SMOX: variants seen among roughly 807,000 people sequenced by gnomAD.
The protein encoded by SMOX is spermine oxidase.
In SMOX, 22 loss-of-function variants were observed where a neutral mutation model predicts 51.0. The ratio of observed to expected loss-of-function variants is 0.43; its 90% CI spans 0.31 to 0.62. The LOEUF (loss-of-function observed/expected upper bound fraction) is 0.62. Among genes scored for constraint, SMOX ranks in the 20% least tolerant of loss-of-function variants. The probability of loss-of-function intolerance (pLI) is 0.10; values close to 1 mark genes in which losing one functional copy is unlikely to be tolerated. For synonymous variants in SMOX, 282 were observed against 307.8 expected, an observed-to-expected ratio of 0.92 and a Z score of 0.88; for missense variants, 566 against 777.7, an observed-to-expected ratio of 0.73 and a Z score of 3.24.
chr20:4,159,318 G>A (rs1298746558), intron 1 of SMOX, among the ~76,000 whole-genome samples: 1 of 152,094 alleles, frequency 6.6e-6, no homozygotes, highest in Non-Finnish European at 1.5e-5. Context: ...CACTATGTTG[G>A]CCAGGCTGGT....
Position 4,177,361 on chromosome 20 carries a change from C to T in SMOX, c.219C>T (p.Thr73=), listed in dbSNP as rs549916537. ...RVQSVKLGHA[T]FELGATWIHG... is the part of the protein sequence containing the mutation. ...TGTTGTCACCCTCAGGACACGCCAC[C>T]TTTGAGCTGGGAGCCACCTGGATCC... The change falls in exon 3 of 7, where the codon ACC becomes ACT. Residue 73 remains threonine, a synonymous_variant. Transcript: ENST00000305958. The surrounding 1 kb of genome is among the most constrained non-coding windows in gnomAD (Gnocchi z 4.3). 6.4e-7 allele frequency: 1 copy of T among 1,552,300 alleles called. No individual in the cohort carries two copies. Among genetic ancestry groups the T allele is most frequent in the African/African-American group, 1.4e-5 (1 of 73,196 alleles).
In SMOX at chr20:4,183,752, G is replaced by T; in HGVS notation, c.1530+98G>T. On this transcript the variant is annotated intron_variant, in intron 6 of 6. Transcript: ENST00000305958. The surrounding 1 kb of genome is among the most constrained non-coding windows in gnomAD (Gnocchi z 4.3). ...AGGGCTAGGGTAGTGTTCACTAAGG[G>T]GTGCTCAGGTGAGGCAGGGATGGAG... The T allele has an allele frequency of 7.3e-7, 1 of 1,373,222 alleles. No individual in the cohort carries two copies. The highest frequency in any genetic ancestry group is 1.5e-5 in the African/African-American group (1 of 68,010). The allele number at this position is 1,373,222 out of a possible 1,614,324, so 85.1% of individuals were successfully genotyped here. A position where few individuals can be genotyped will look rare whatever the true frequency, so the allele number is the denominator to read the frequency against.
Position 4,181,874 on chromosome 20 carries a change from G to A in SMOX, c.507G>A (p.Gly169=), listed in dbSNP as rs544113504. The change falls in exon 4 of 7, where the codon GGG becomes GGA. Residue 169 remains glycine (G), a synonymous_variant. Transcript: ENST00000305958. This position sits in a 1 kb window ranked among gnomAD's most constrained non-coding sequence, Gnocchi z 5.6. ...PVNAESQNSV[G]VFTREEVRNR... is the part of the protein sequence containing the mutation. ...ATGCTGAAAGTCAAAATAGCGTGGGGGTGTTCACCCGAGAGGAGGTGCGTA... is the reference window on the plus strand; with the variant it reads ...ATGCTGAAAGTCAAAATAGCGTGGGAGTGTTCACCCGAGAGGAGGTGCGTA... The A allele has an allele frequency of 2.5e-6, 4 of 1,613,992 alleles. No individual in the cohort carries two copies. Among genetic ancestry groups the A allele is most frequent in the Non-Finnish European group, 3.4e-6 (4 of 1,180,024 alleles).
Position 4,182,909 on chromosome 20 carries a change from C to G in SMOX, c.1369+61C>G, listed in dbSNP as rs1293669662. 1.9e-6 allele frequency: 3 copies of G among 1,540,226 alleles called. No homozygotes were observed. The Admixed American group carries it at 5.5e-5, about 28-fold the overall frequency. ...CTGCTTCTTCCTCACCTGCCCTCCT[C>G]TGGTGGACCCATGGCAGCTCTCTCC... On this transcript the variant is annotated intron_variant, in intron 5 of 6. Transcript: ENST00000305958. The surrounding 1 kb of genome is among the most constrained non-coding windows in gnomAD (Gnocchi z 8.4).
chr20:4,187,412 T>C lies in SMOX; in HGVS notation c.*5T>C. The C allele has an allele frequency of 1.9e-6, 3 of 1,612,872 alleles. No homozygotes were observed. Among genetic ancestry groups the C allele is most frequent in the Non-Finnish European group, 2.5e-6 (3 of 1,179,206 alleles). On this transcript the variant is annotated 3_prime_UTR_variant, in exon 7 of 7. Transcript: ENST00000305958. The surrounding 1 kb of genome is among the most constrained non-coding windows in gnomAD (Gnocchi z 4.8). ...CTCTTCCAGCAGGGGACCTGAGGGC[T>C]GTCCTCGCTGCTGAGAAGAGCCACT...
chr20:4,158,173 G>C (rs139119810), intron 1 of SMOX, among the ~76,000 whole-genome samples: 3 of 152,084 alleles, frequency 2.0e-5, no homozygotes, highest in Non-Finnish European at 2.9e-5. Context: ...GTGCTGGGAT[G>C]ACAGGTGTGA....
At chr20:4,168,880 G>A (rs915207703) in intron 1 of SMOX, among the ~76,000 whole-genome samples, 4 of 145,564 alleles carry the variant, frequency 2.7e-5, no homozygotes, top group Non-Finnish European at 6.1e-5. Context: ...TAAAATTAAT[G>A]CTCTATTTTA....
At position 4,186,903 on chromosome 20, in the gene SMOX, T is replaced by C. The variant is rs1456494305; in HGVS notation, c.1531-367T>C. On this transcript the variant is annotated intron_variant, in intron 6 of 6. Transcript: ENST00000305958. ...GGTTCTAAGTGCTTTAGATACATGA[T>C]TTCCCTTAATCCTTACAACCACCCT... is the stretch of plus-strand genomic sequence containing the variant. 7.9e-6 allele frequency: 6 copies of C among 755,870 alleles called. No homozygotes were observed. The East Asian group carries it at 9.8e-5, about 12-fold the overall frequency. 46.8% of individuals were successfully genotyped at this position (755,870 alleles called of 1,614,324 possible).
At chr20:4,169,643 G>A (rs1986734873) in intron 1 of SMOX, among the ~76,000 whole-genome samples, 1 of 152,168 alleles carries the variant, frequency 6.6e-6, no homozygotes, top group African/African-American at 2.4e-5. Context: ...ATTTCCTGGG[G>A]TGAGATGCCT....
In SMOX at chr20:4,181,336, C is replaced by T. The variant is rs1224787700; in HGVS notation, c.436-467C>T. Among the ~76,000 whole-genome samples, 1 of 152,214 alleles carries T rather than the reference C, an allele frequency of 6.6e-6. No individual in the cohort carries two copies. The highest frequency in any genetic ancestry group is 6.5e-5 in the Admixed American group (1 of 15,284). On this transcript the variant is annotated intron_variant, in intron 3 of 6. Transcript: ENST00000305958. This position sits in a 1 kb window ranked among gnomAD's most constrained non-coding sequence, Gnocchi z 5.6. ...GTCAGGGGCCCTTCTGCTGGCCAGG[C>T]CACAGCTCCAGACTGCCCTCTTGGG...
chr20:4,154,112 G>A (rs964711831), intron 1 of SMOX, among the ~76,000 whole-genome samples: 17 of 152,048 alleles, frequency 1.1e-4, no homozygotes, highest in African/African-American at 4.1e-4. Context: ...CCTTCCTAAG[G>A]TGGAGGAGGA....
Position 4,187,265 on chromosome 20 carries a change from C to G in SMOX, c.1531-5C>G, listed in dbSNP as rs201078634. 3 of 1,612,060 alleles carry G rather than the reference C, an allele frequency of 1.9e-6. No homozygotes were observed. The East Asian group carries it at 6.7e-5, about 36-fold the overall frequency. On this transcript the variant is annotated splice_region_variant and splice_polypyrimidine_tract_variant and intron_variant, in intron 6 of 6. Coordinates refer to ENST00000305958, the MANE Select transcript of SMOX (RefSeq NM_175839.3). This position sits in a 1 kb window ranked among gnomAD's most constrained non-coding sequence, Gnocchi z 4.8. Reference sequence around the variant, plus strand: ...CACCCTGACCTCCCCATCCCCGCCCCGCAGCCCATGCAGGTGCTGTTTTCC... The same window carrying G: ...CACCCTGACCTCCCCATCCCCGCCCGGCAGCCCATGCAGGTGCTGTTTTCC...
At chr20:4,165,338 G>A (rs759010505) in intron 1 of SMOX, among the ~76,000 whole-genome samples, 1 of 152,100 alleles carries the variant, frequency 6.6e-6, no homozygotes. Flanking sequence ...ACAGGCCTGA[G>A]CCACCGCACC....
At position 4,167,479 on chromosome 20, in the gene SMOX, G is replaced by A. The variant is rs1051863173; in HGVS notation, c.-26-7551G>A. ...CTGTACCTATCCCCATTTTACGGAT[G>A]GGAAAGCTTGAAGACCAAAGTGAGC... On this transcript the variant is annotated intron_variant, in intron 1 of 6. Transcript: ENST00000305958. The surrounding 1 kb of genome is among the most constrained non-coding windows in gnomAD (Gnocchi z 4.8). Among the ~76,000 whole-genome samples the A allele has an allele frequency of 2.0e-5, 3 of 152,156 alleles. No individual in the cohort carries two copies. Among genetic ancestry groups the A allele is most frequent in the Admixed American group, 2.0e-4 (3 of 15,274 alleles).
intron 1 of SMOX, among the ~76,000 whole-genome samples, chr20:4,165,349 C>T (rs935003346): frequency 1.1e-4 from 16 of 152,110 alleles, no homozygotes; most frequent in African/African-American, 3.4e-4. Context: ...CCACCGCACC[C>T]GGCCCTAGCT....
Position 4,149,108 on chromosome 20 carries a change from TGGGCGGCCAGCGCGGCGCTC to T in SMOX, c.-27+137_-27+156del, listed in dbSNP as rs1271822899. On this transcript the variant is annotated intron_variant, in intron 1 of 6. Coordinates refer to ENST00000305958, the MANE Select transcript of SMOX (RefSeq NM_175839.3). This position sits in a 1 kb window ranked among gnomAD's most constrained non-coding sequence, Gnocchi z 6.0. ...CCGAGGGCTCGGCCGGCCCGGGGCT[TGGGCGGCCAGCGCGGCGCTC>T]GGGCGCTCGGGCGGGGGTGCGGGGC... The T allele has an allele frequency of 2.7e-5, 4 of 148,496 alleles. No individual in the cohort carries two copies. The highest frequency in any genetic ancestry group is 9.8e-5 in the African/African-American group (4 of 40,774). The allele number at this position is 148,496 out of a possible 1,614,324, so 9.2% of individuals were successfully genotyped here.
In SMOX at chr20:4,181,409, C is replaced by T. The variant is rs60142088; in HGVS notation, c.436-394C>T. ...GGGCAGGGGTGGCAGGGAAAGTGCA[C>T]GTATCGTTCTTGGAACAGGTAAATG... On this transcript the variant is annotated intron_variant, in intron 3 of 6. Transcript: ENST00000305958. The surrounding 1 kb of genome is among the most constrained non-coding windows in gnomAD (Gnocchi z 5.6). Among the ~76,000 whole-genome samples, 8,650 of 152,204 alleles carry T rather than the reference C, an allele frequency of 0.057. 835 individuals are homozygous for T. Among genetic ancestry groups the T allele is most frequent in the African/African-American group, 0.2 (8,214 of 41,474 alleles).
rs913984721 is a variant in SMOX at position 4,167,446 on chromosome 20, C to T, written c.-26-7584C>T. Among the ~76,000 whole-genome samples the T allele has an allele frequency of 6.6e-6, 1 of 152,182 alleles. No individual in the cohort carries two copies. The highest frequency in any genetic ancestry group is 1.9e-4 in the East Asian group (1 of 5,194). ...TACCTGTGCTAATTTAATATTCCTA[C>T]AAGTCGGCTGTACCTATCCCCATTT... is the stretch of plus-strand genomic sequence containing the variant. On this transcript the variant is annotated intron_variant, in intron 1 of 6. Transcript: ENST00000305958. The surrounding 1 kb of genome is among the most constrained non-coding windows in gnomAD (Gnocchi z 4.8).
chr20:4,169,099 C>T (rs1273414988), intron 1 of SMOX, among the ~76,000 whole-genome samples: 2 of 152,084 alleles, frequency 1.3e-5, no homozygotes, highest in African/African-American at 4.8e-5. Flanking sequence ...AGGTACATTT[C>T]ACCACAACTG....
Sources: gnomAD v4.1 joint callset for allele counts (sites outside exome capture counted in the v4.1 genomes callset) on GRCh38, gnomAD v4.1.1 for gene constraint, Gnocchi (gnomAD v3.1) non-coding constraint, MANE v1.5 for transcripts, NCBI Gene and HGNC (gene_info 2026-07-23, HGNC 2026-07-21) for gene names.